KITLG: variants seen among roughly 807,000 people sequenced by gnomAD.
KITLG encodes the protein KIT ligand.
In KITLG, 13 loss-of-function variants were observed where a neutral mutation model predicts 34.1. The ratio of observed to expected loss-of-function variants is 0.38; its 90% confidence interval spans 0.25 to 0.61. The LOEUF is 0.61. KITLG is among the 20% of genes least tolerant of loss of function. The pLI is 0.60. For missense variants in KITLG, 292 were observed against 318.9 expected (o/e 0.92, Z 0.64); for synonymous variants, 110 against 104.0 (o/e 1.06, Z -0.35).
intron 2 of KITLG, among the ~76,000 whole-genome samples, chr12:88,544,339 G>A (rs1870631041): frequency 6.6e-6 from 1 of 151,992 alleles, no homozygotes; most frequent in African/African-American, 2.4e-5. Flanking sequence ...GGGGTCAAGT[G>A]CCTTGACTAA....
intron 1 of KITLG, among the ~76,000 whole-genome samples, chr12:88,576,970 T>C (rs758196868): frequency 4.2e-4 from 64 of 152,162 alleles, no homozygotes; most frequent in Admixed American, 1.1e-3. Context: ...TTTAATTGGT[T>C]TGGCCCAGAC....
chr12:88,554,207 G>T (rs1470749876), intron 1 of KITLG, among the ~76,000 whole-genome samples: 1 of 151,974 alleles, frequency 6.6e-6, no homozygotes, highest in Non-Finnish European at 1.5e-5. Context: ...AGAATATCAG[G>T]GGGACATATG....
At chr12:88,516,238 T>C in intron 5 of KITLG, 96 bp downstream of exon 5, 2 of 1,020,048 alleles carry the variant, frequency 2.0e-6, no homozygotes, top group Non-Finnish European at 3.1e-6. Context: ...CATGCATGTA[T>C]CTTGCTACAG....
intron 1 of KITLG, among the ~76,000 whole-genome samples, chr12:88,568,557 T>C (rs1871532180): frequency 6.6e-6 from 1 of 152,040 alleles, no homozygotes. Flanking sequence ...AGGAAGGAAA[T>C]AAATATCATG....
intron 1 of KITLG, among the ~76,000 whole-genome samples, chr12:88,559,620 C>G (rs1871230785): frequency 6.6e-6 from 1 of 152,094 alleles, no homozygotes; most frequent in African/African-American, 2.4e-5. Context: ...GGGGAAAAAG[C>G]CCAGTAATTA....
At chr12:88,575,969 C>T (rs968255976) in intron 1 of KITLG, among the ~76,000 whole-genome samples, 1 of 152,050 alleles carries the variant, frequency 6.6e-6, no homozygotes, top group Non-Finnish European at 1.5e-5. Context: ...AGACACCCCA[C>T]AGAAATGAAT....
chr12:88,504,827 G>A (rs1868991892), intron 9 of KITLG, among the ~76,000 whole-genome samples: 1 of 152,150 alleles, frequency 6.6e-6, no homozygotes, highest in African/African-American at 2.4e-5. Flanking sequence ...GCACATGTAT[G>A]ACTGAGGCTG....
intron 2 of KITLG, among the ~76,000 whole-genome samples, chr12:88,539,936 T>C (rs114255211): frequency 2.6e-3 from 397 of 151,994 alleles, no homozygotes; most frequent in African/African-American, 9.0e-3. Flanking sequence ...AAAATTAAGA[T>C]GACAACTTCA....
intron 9 of KITLG, among the ~76,000 whole-genome samples, chr12:88,500,386 T>C (rs1868805940): frequency 6.6e-6 from 1 of 152,238 alleles, no homozygotes; most frequent in Non-Finnish European, 1.5e-5. Context: ...TGGACTTTGA[T>C]CAAAGTAACT....
At chr12:88,510,385 T>C (rs1432475686) in intron 6 of KITLG, among the ~76,000 whole-genome samples, 1 of 152,176 alleles carries the variant, frequency 6.6e-6, no homozygotes, top group Non-Finnish European at 1.5e-5. Flanking sequence ...AAGACATCAG[T>C]TATGTCTCCA....
At chr12:88,519,624 T>C (rs1218414731) in intron 3 of KITLG, among the ~76,000 whole-genome samples, 1 of 152,066 alleles carries the variant, frequency 6.6e-6, no homozygotes, top group African/African-American at 2.4e-5. Flanking sequence ...TATTTATTTA[T>C]GCTTTAATTT....
intron 1 of KITLG, among the ~76,000 whole-genome samples, chr12:88,569,624 C>A (rs912864133): frequency 6.6e-6 from 1 of 152,120 alleles, no homozygotes; most frequent in African/African-American, 2.4e-5. Context: ...TACCATTGCT[C>A]ATTCTGTTTG....
chr12:88,545,559 A>G (rs573494248), intron 2 of KITLG, among the ~76,000 whole-genome samples, 193 bp downstream of exon 2: 1 of 152,306 alleles, frequency 6.6e-6, no homozygotes, highest in South Asian at 2.1e-4. Context: ...AGTTTTACCA[A>G]CAAATTATCC....
At position 88,494,674 on chromosome 12, in the gene KITLG, T is replaced by G. The variant is rs529672412; in HGVS notation, c.*2545A>C. On this transcript the variant is annotated 3_prime_UTR_variant, in exon 10 of 10. Transcript: ENST00000644744. ...AAGCCATTTTCTAAATAGACCTGGT[T>G]TCTACCAAAGAGGTGCAAAGCTTTC... The G allele has an allele frequency of 2.0e-5, 3 of 152,498 alleles. No homozygotes were observed. The highest frequency in any genetic ancestry group is 7.2e-5 in the African/African-American group (3 of 41,550). 9.4% of individuals were successfully genotyped at this position (152,498 alleles called of 1,614,324 possible). A position where few individuals can be genotyped will look rare whatever the true frequency, so the allele number is the denominator to read the frequency against.
intron 3 of KITLG, among the ~76,000 whole-genome samples, chr12:88,522,862 T>G (rs893303257): frequency 6.6e-6 from 1 of 152,160 alleles, no homozygotes; most frequent in Admixed American, 6.5e-5. Context: ...CACAGAGAGA[T>G]ATCTATGTTC....
intron 9 of KITLG, among the ~76,000 whole-genome samples, chr12:88,500,678 G>A (rs1868819018): frequency 6.6e-6 from 1 of 152,196 alleles, no homozygotes; most frequent in African/African-American, 2.4e-5. Context: ...TTTGTAGGAT[G>A]CTACTATGGA....
At chr12:88,523,774 G>A (rs903872526) in intron 3 of KITLG, among the ~76,000 whole-genome samples, 2 of 151,852 alleles carry the variant, frequency 1.3e-5, no homozygotes, top group African/African-American at 2.4e-5. Flanking sequence ...ACTTCTCTTT[G>A]GATTAGCTGG....
chr12:88,554,738 T>C (rs1053299058), intron 1 of KITLG, among the ~76,000 whole-genome samples: 2 of 152,236 alleles, frequency 1.3e-5, no homozygotes, highest in Non-Finnish European at 2.9e-5. Context: ...TTTTTTCAGA[T>C]CTTTTTAATT....
rs200265713 is a variant in KITLG at position 88,532,401 on chromosome 12, T to G, written c.192+40A>C. ...AATATGAATGATCCCATTTCTTCTA[T>G]GAGCTACTAAAATGAAACTCAGAAA... is the stretch of plus-strand genomic sequence containing the variant. On this transcript the variant is annotated intron_variant, in intron 3 of 9. Coordinates refer to ENST00000644744, the MANE Select transcript of KITLG (RefSeq NM_000899.5). The G allele has an allele frequency of 4.3e-6, 6 of 1,401,072 alleles. No homozygotes were observed. The African/African-American group carries it at 7.1e-5, about 17-fold the overall frequency. 86.8% of individuals were successfully genotyped at this position (1,401,072 alleles called of 1,614,324 possible).
Sources: allele counts gnomAD v4.1 joint callset (sites outside exome capture counted in the v4.1 genomes callset), GRCh38; gene constraint gnomAD v4.1.1; transcripts MANE v1.5; gene names NCBI Gene and HGNC (gene_info 2026-07-23, HGNC 2026-07-21).